The following CADPS2 variants were observed in gnomAD, a reference collection of about 807,000 sequenced individuals.
CADPS2 encodes the protein calcium-dependent secretion activator 2.
Under a neutral mutation model 172.5 loss-of-function variants are expected in CADPS2, and 93 were observed. That is an observed-to-expected ratio of 0.54 (90% CI 0.46 to 0.64). The LOEUF (loss-of-function observed/expected upper bound fraction) is 0.64, where lower values mean the gene tolerates loss of function less well. Ranked by LOEUF, CADPS2 falls within the 30% of genes least tolerant of loss-of-function variation. The pLI, the probability that CADPS2 is intolerant of heterozygous loss-of-function variation, is 0.00. For missense variants in CADPS2, 1,420 were observed against 1,565.9 expected (o/e 0.91, Z 1.57); for synonymous variants, 546 against 555.2 (o/e 0.98, Z 0.23).
intron 22 of CADPS2, among the ~76,000 whole-genome samples, chr7:122,392,154 C>T (rs1212256790): frequency 6.6e-6 from 1 of 152,108 alleles, no homozygotes; most frequent in African/African-American, 2.4e-5. Flanking sequence ...TTGGGCAAAG[C>T]AGGTAACTGC....
intron 2 of CADPS2, among the ~76,000 whole-genome samples, chr7:122,673,832 C>T (rs749469368): frequency 1.8e-4 from 26 of 141,234 alleles, no homozygotes; most frequent in Non-Finnish European, 3.7e-4. Context: ...AAACCTAGGG[C>T]GGCAGATGGG....
intron 19 of CADPS2, among the ~76,000 whole-genome samples, chr7:122,409,295 CA>C (rs1487591307): frequency 6.6e-6 from 1 of 152,148 alleles, no homozygotes; most frequent in Non-Finnish European, 1.5e-5. Context: ...GAGACATTTT[CA>C]AAATCTCACT....
chr7:122,640,514 A>AG, intron 3 of CADPS2, among the ~76,000 whole-genome samples: 1 of 152,004 alleles, frequency 6.6e-6, no homozygotes, highest in African/African-American at 2.4e-5. Context: ...GAGAGAGAGA[A>AG]AAAAAAAGAA....
At chr7:122,622,322 A>C (rs539312800) in intron 4 of CADPS2, among the ~76,000 whole-genome samples, 1 of 152,326 alleles carries the variant, frequency 6.6e-6, no homozygotes, top group African/African-American at 2.4e-5. Flanking sequence ...TTTTTACTAA[A>C]GGCTTAGAAA....
At chr7:122,852,878 A>G (rs1814078663) in intron 1 of CADPS2, among the ~76,000 whole-genome samples, 1 of 152,164 alleles carries the variant, frequency 6.6e-6, no homozygotes, top group African/African-American at 2.4e-5. Flanking sequence ...AGGGTTGGGG[A>G]TGGTAAGGAT....
intron 19 of CADPS2, among the ~76,000 whole-genome samples, chr7:122,410,344 A>T (rs979019092): frequency 6.6e-6 from 1 of 151,930 alleles, no homozygotes; most frequent in African/African-American, 2.4e-5. Context: ...ACACTGTCTT[A>T]AAAAAAACAA....
chr7:122,645,282 C>T (rs1176719994), intron 3 of CADPS2, among the ~76,000 whole-genome samples: 1 of 138,806 alleles, frequency 7.2e-6, no homozygotes, highest in Non-Finnish European at 1.6e-5. Context: ...TATATACACA[C>T]ATATGTACAT....
intron 20 of CADPS2, among the ~76,000 whole-genome samples, chr7:122,396,747 T>C (rs1344662690): frequency 6.6e-6 from 1 of 152,198 alleles, no homozygotes; most frequent in Non-Finnish European, 1.5e-5. Flanking sequence ...CTCTCTACCC[T>C]GGACAGGTTT....
chr7:122,372,889 A>G (rs542196102), intron 25 of CADPS2, among the ~76,000 whole-genome samples: 1 of 152,286 alleles, frequency 6.6e-6, no homozygotes, highest in South Asian at 2.1e-4. Flanking sequence ...CCTGATTCTC[A>G]CTAATTAATT....
chr7:122,422,536 C>T (rs569649229), intron 17 of CADPS2, among the ~76,000 whole-genome samples: 9 of 152,308 alleles, frequency 5.9e-5, no homozygotes, highest in Middle Eastern at 3.4e-3. Context: ...CATTACATTA[C>T]ACACTCTCAC....
chr7:122,416,418 C>G (rs2047927782), intron 17 of CADPS2, among the ~76,000 whole-genome samples: 2 of 152,236 alleles, frequency 1.3e-5, no homozygotes, highest in Admixed American at 1.3e-4. Flanking sequence ...ATTAGATGCT[C>G]AACTTCTGCA....
chr7:122,676,647 G>T (rs1164725439), intron 2 of CADPS2: 2 of 1,537,126 alleles, frequency 1.3e-6, no homozygotes, highest in Non-Finnish European at 1.8e-6. Flanking sequence ...AGTACCATCT[G>T]GAGAGACAGG....
At chr7:122,729,589 T>C (rs2091442778) in intron 2 of CADPS2, among the ~76,000 whole-genome samples, 1 of 151,720 alleles carries the variant, frequency 6.6e-6, no homozygotes, top group African/African-American at 2.4e-5. Flanking sequence ...TATTTCATTG[T>C]GGTTTTTATT....
At chr7:122,431,902 C>T (rs1286458805) in intron 17 of CADPS2, among the ~76,000 whole-genome samples, 3 of 114,890 alleles carry the variant, frequency 2.6e-5, no homozygotes, top group African/African-American at 7.3e-5. Context: ...GCCTGGGTGA[C>T]GAAGCAAGAC....
intron 1 of CADPS2, among the ~76,000 whole-genome samples, chr7:122,885,132 A>G (rs1823989162): frequency 1.3e-5 from 2 of 152,202 alleles, no homozygotes; most frequent in African/African-American, 4.8e-5. Context: ...TATTGTAAAC[A>G]TTTAACCACT....
intron 2 of CADPS2, among the ~76,000 whole-genome samples, chr7:122,710,299 T>C (rs1164253937): frequency 1.3e-5 from 2 of 152,074 alleles, no homozygotes; most frequent in Non-Finnish European, 2.9e-5. Flanking sequence ...TTCTTATTTG[T>C]TATATAATTT....
intron 17 of CADPS2, among the ~76,000 whole-genome samples, chr7:122,427,732 T>C (rs1429814940): frequency 1.3e-5 from 2 of 150,140 alleles, no homozygotes; most frequent in Non-Finnish European, 3.0e-5. Flanking sequence ...TAGATAACAC[T>C]TTTTTTTTTC....
intron 9 of CADPS2, among the ~76,000 whole-genome samples, chr7:122,496,675 T>C (rs1257135400): frequency 6.6e-6 from 1 of 152,168 alleles, no homozygotes; most frequent in Non-Finnish European, 1.5e-5. Context: ...GGTTCTATTT[T>C]TGGTTTTTAA....
At chr7:122,645,605 T>TAC (rs1485099798) in intron 3 of CADPS2, among the ~76,000 whole-genome samples, 18 of 134,692 alleles carry the variant, frequency 1.3e-4, no homozygotes, top group East Asian at 8.6e-4. Flanking sequence ...TATATATATA[T>TAC]ACACACACAC....
Sources: gnomAD v4.1 joint callset for allele counts (sites outside exome capture counted in the v4.1 genomes callset) on GRCh38, gnomAD v4.1.1 for gene constraint, MANE v1.5 for transcripts, NCBI Gene and HGNC (gene_info 2026-07-23, HGNC 2026-07-21) for gene names.